The following ASB11 variants were observed in gnomAD, a reference collection of about 807,000 sequenced individuals.
ASB11 encodes ankyrin repeat and SOCS box protein 11.
In ASB11, 17 loss-of-function variants were observed where a neutral mutation model predicts 20.1. The ratio of observed to expected loss-of-function variants is 0.85; its 90% CI spans 0.58 to 1.27. The LOEUF is 1.27. Ranked by LOEUF, ASB11 falls within the 50% of genes most tolerant of loss-of-function variation. The pLI is 0.00. For missense variants in ASB11, 259 were observed against 256.9 expected (o/e 1.01, Z -0.06); for synonymous variants, 107 against 105.6 (o/e 1.01, Z -0.08).
intron 3 of ASB11, 79 bp downstream of exon 3, chrX:15,297,495 A>G (rs1251938670): frequency 1.8e-5 from 16 of 866,494 alleles, no homozygotes; most frequent in Non-Finnish European, 2.4e-5. Flanking sequence ...TGGGTAAGCC[A>G]TCTGGAAGGT....
chrX:15,309,479 A>T (rs1017411809), intron 1 of ASB11, among the ~76,000 whole-genome samples: 2 of 109,946 alleles, frequency 1.8e-5, no homozygotes, highest in Non-Finnish European at 3.8e-5. Flanking sequence ...TAATTATTTG[A>T]TTATATATTA....
intron 1 of ASB11, among the ~76,000 whole-genome samples, chrX:15,310,728 C>T (rs1042221618): frequency 8.9e-6 from 1 of 112,622 alleles, no homozygotes; most frequent in Non-Finnish European, 1.9e-5. Context: ...TGGCTTATGC[C>T]TGTAATCCCA....
intron 4 of ASB11, chrX:15,292,132 A>G (rs1386558495): frequency 1.8e-5 from 2 of 111,971 alleles, no homozygotes; most frequent in South Asian, 3.7e-4. Flanking sequence ...GGAAATGACT[A>G]ACATCAGCTA....
Position 15,297,617 on chromosome X carries a change from C to T in ASB11, c.326G>A (p.Gly109Asp). ...VSSLHEACLG[G>D]HVACAKALLE... ...TAAGGCTTTGGCACAGGCCACGTGA[C>T]CTCCAAGGCATGCCTCGTGGAGAGA... The change falls in exon 3 of 7, where the codon GGT becomes GAT. Residue 109 changes from glycine (G) to aspartate (D), a missense_variant. Gly to Asp is a moderately conservative substitution (Grantham distance 94). Coordinates refer to ENST00000480796, the MANE Select transcript of ASB11 (RefSeq NM_080873.3). 2 of 1,208,504 alleles carry T rather than the reference C, an allele frequency of 1.7e-6. No individual in the cohort carries two copies. The highest frequency in any genetic ancestry group is 2.2e-6 in the Non-Finnish European group (2 of 893,802).
At chrX:15,313,976 G>A (rs181522045) in intron 1 of ASB11, among the ~76,000 whole-genome samples, 12 of 107,342 alleles carry the variant, frequency 1.1e-4, no homozygotes, top group Middle Eastern at 4.7e-3. Flanking sequence ...TGCTTCAACC[G>A]GGACCTGGGA....
At chrX:15,301,528 CAG>C (rs1353128536) in intron 2 of ASB11, among the ~76,000 whole-genome samples, 2 of 107,971 alleles carry the variant, frequency 1.9e-5, no homozygotes, top group Admixed American at 9.9e-5. Flanking sequence ...GAGAGAGAGA[CAG>C]AGAGAGAGAG....
chrX:15,287,812 C>T (rs1927429271), intron 6 of ASB11, 69 bp downstream of exon 6: 2 of 1,098,338 alleles, frequency 1.8e-6, no homozygotes, highest in South Asian at 2.3e-5. Context: ...GGAAAAAATG[C>T]TACAGATGAG....
Position 15,283,446 on chromosome X carries a change from C to G in ASB11, c.*59G>C, listed in dbSNP as rs1927246356. The G allele has an allele frequency of 6.7e-5, 79 of 1,185,450 alleles. 1 individual carries two copies. In the South Asian group the frequency reaches 1.3e-3, roughly 19 times the overall value. ...CTGTTGAGCTTCTACATTAGGTACTCTAGGTACAGCAGACAACAATCTGTG... is the reference window on the plus strand; with the variant it reads ...CTGTTGAGCTTCTACATTAGGTACTGTAGGTACAGCAGACAACAATCTGTG... On this transcript the variant is annotated 3_prime_UTR_variant, in exon 7 of 7. Transcript: ENST00000480796.
chrX:15,307,348 G>T (rs774464638), intron 1 of ASB11, among the ~76,000 whole-genome samples: 24 of 112,453 alleles, frequency 2.1e-4, no homozygotes, highest in Non-Finnish European at 3.8e-4. Flanking sequence ...TGCCACCAAG[G>T]ACTGGTTTCA....
At position 15,313,315 on chromosome X, in the gene ASB11, C is replaced by T. The variant is rs189434634; in HGVS notation, c.181+2110G>A. The stretch of plus-strand genomic sequence containing the variant: ...TCAGGAGGCTGAGGCACGAGAATTG[C>T]TTGAACCCCAGAGGAGGAGGTTGCA... On this transcript the variant is annotated intron_variant, in intron 1 of 6. Transcript: ENST00000480796. Among the ~76,000 whole-genome samples, 351 of 110,991 alleles carry T rather than the reference C, an allele frequency of 3.2e-3. 2 individuals carry two copies. Among genetic ancestry groups the T allele is most frequent in the African/African-American group, 0.011 (324 of 30,443 alleles).
intron 3 of ASB11, among the ~76,000 whole-genome samples, chrX:15,293,883 T>C (rs1419287750): frequency 1.5e-5 from 1 of 65,872 alleles, no homozygotes; most frequent in Non-Finnish European, 2.7e-5. Flanking sequence ...CCGGGGACTG[T>C]TGTGGGGTGG....
At chrX:15,299,151 C>T (rs1239676299) in intron 2 of ASB11, among the ~76,000 whole-genome samples, 1 of 112,125 alleles carries the variant, frequency 8.9e-6, no homozygotes. Flanking sequence ...CAAAAACAGT[C>T]AAACTATAAA....
intron 3 of ASB11, among the ~76,000 whole-genome samples, chrX:15,297,309 C>CAA (rs57648100): frequency 9.6e-6 from 1 of 104,017 alleles, no homozygotes; most frequent in African/African-American, 3.5e-5. Flanking sequence ...CAAAACAAAA[C>CAA]AAAAAAAAAA....
intron 1 of ASB11, chrX:15,314,572 T>C: frequency 9.6e-7 from 1 of 1,036,448 alleles, no homozygotes; most frequent in Non-Finnish European, 1.2e-6. Context: ...TGTATTGGAA[T>C]CACATAAGAC....
intron 6 of ASB11, among the ~76,000 whole-genome samples, 180 bp from the exon 7 acceptor site, chrX:15,283,809 C>G (rs1927265375): frequency 9.0e-6 from 1 of 111,445 alleles, no homozygotes; most frequent in African/African-American, 3.3e-5. Context: ...TGATTTGCCC[C>G]TCTGGAAGGG....
intron 3 of ASB11, among the ~76,000 whole-genome samples, 171 bp from the exon 4 acceptor site, chrX:15,293,491 G>A (rs749556194): frequency 2.0e-4 from 23 of 112,343 alleles, no homozygotes; most frequent in Non-Finnish European, 4.3e-4. Context: ...GGTGGATCGA[G>A]CGAGTTACTA....
chrX:15,286,663 C>CA (rs764801887), intron 6 of ASB11, among the ~76,000 whole-genome samples: 4,117 of 54,195 alleles, frequency 0.076, 233 homozygotes, highest in East Asian at 0.2. Context: ...GACTCCATCT[C>CA]AAAAAAAAAA....
At chrX:15,308,160 T>G (rs1326363727) in intron 1 of ASB11, among the ~76,000 whole-genome samples, 2 of 112,359 alleles carry the variant, frequency 1.8e-5, no homozygotes, top group Non-Finnish European at 3.8e-5. Context: ...TGGTCCTGCT[T>G]GATCAGTCTC....
At chrX:15,314,329 CTTT>C (rs201659261) in intron 1 of ASB11, 1,771 of 946,214 alleles carry the variant, frequency 1.9e-3, no homozygotes, top group East Asian at 3.8e-3. Flanking sequence ...AGAAGCATTA[CTTT>C]TTTTTTTTTT....
Sources: gnomAD v4.1 joint callset for allele counts (sites outside exome capture counted in the v4.1 genomes callset) on GRCh38, gnomAD v4.1.1 for gene constraint, MANE v1.5 for transcripts, NCBI Gene and HGNC (gene_info 2026-07-23, HGNC 2026-07-21) for gene names.